Variants in RP1 observed in about 807,000 individuals in gnomAD.
RP1 encodes the protein oxygen-regulated protein 1.
RP1 carries 16 observed loss-of-function variants against 14.8 expected under a neutral mutation model. The ratio of observed to expected loss-of-function variants is 1.08; its 90% CI spans 0.73 to 1.65. The LOEUF is 1.65. Among genes scored for constraint, RP1 ranks in the 40% most tolerant of loss-of-function variants. The pLI, the probability that RP1 is intolerant of heterozygous loss-of-function variation, is 0.00. For synonymous variants in RP1, 876 were observed against 883.6 expected (o/e 0.99, Z 0.15); for missense variants, 2,631 against 2,535.0 (o/e 1.04, Z -0.81).
chr8:54,856,204 A>G (rs114365270), intron 26 of RP1, among the ~76,000 whole-genome samples: 358 of 152,332 alleles, frequency 2.4e-3, no homozygotes, highest in African/African-American at 8.1e-3. Flanking sequence ...GCAAGAATGC[A>G]CTGTAGGATT....
intron 25 of RP1, among the ~76,000 whole-genome samples, chr8:54,842,981 C>A (rs1193436122): frequency 6.6e-6 from 1 of 152,144 alleles, no homozygotes; most frequent in Non-Finnish European, 1.5e-5. Context: ...TCCTGGCAAC[C>A]TTCTGTAGAA....
Position 54,630,022 on chromosome 8 carries a change from T to C in RP1, c.6140T>C (p.Val2047Ala). The change falls in exon 4 of 4, where the codon GTG (valine) becomes GCG (alanine). Residue 2047 changes from valine (V) to alanine (A), a missense_variant. By Grantham distance (64) the Val-to-Ala change is moderately conservative. Transcript: ENST00000220676. ...ACATCATTGTTAGTTGTGGGTAATG[T>C]GGATTCAAATACACAAGACCTCAGC... ...LHTSLLVVGN[V>A]DSNTQDLSGQ... The C allele has an allele frequency of 6.2e-7, 1 of 1,614,060 alleles. No homozygotes were observed. Among genetic ancestry groups the C allele is most frequent in the Non-Finnish European group, 8.5e-7 (1 of 1,179,978 alleles).
intron 1 of RP1, among the ~76,000 whole-genome samples, chr8:54,577,923 A>C (rs62514567): frequency 0.2 from 30,507 of 151,852 alleles, 3,532 homozygotes; most frequent in East Asian, 0.36. Flanking sequence ...AGAGAGGAGG[A>C]GATGAAAGCA....
At chr8:54,565,580 A>G (rs1038745452) in intron 1 of RP1, among the ~76,000 whole-genome samples, 6 of 152,152 alleles carry the variant, frequency 3.9e-5, no homozygotes, top group African/African-American at 1.2e-4. Flanking sequence ...CCCAGACACC[A>G]GGATTGCCTC....
intron 1 of RP1, among the ~76,000 whole-genome samples, chr8:54,620,150 C>T (rs1263217015): frequency 6.6e-6 from 1 of 152,180 alleles, no homozygotes; most frequent in African/African-American, 2.4e-5. Context: ...AGATAACCAC[C>T]ATCAACACTG....
downstream of RP1, among the ~76,000 whole-genome samples, chr8:54,631,324 G>A (rs7003351): frequency 5.6e-3 from 849 of 152,160 alleles, 2 homozygotes; most frequent in African/African-American, 0.014. Context: ...GTGAAAATAT[G>A]GAAGCTATAA....
chr8:54,815,184 A>G (rs1585716081), intron 24 of RP1, among the ~76,000 whole-genome samples: 1 of 152,350 alleles, frequency 6.6e-6, no homozygotes, highest in African/African-American at 2.4e-5. Flanking sequence ...CTCTTCTTCA[A>G]AGAGGCATGC....
downstream of RP1, among the ~76,000 whole-genome samples, chr8:54,633,729 C>CTATATA (rs1286698033): frequency 1.5e-5 from 2 of 136,628 alleles, no homozygotes; most frequent in African/African-American, 2.9e-5. Context: ...CTCTCTCTCT[C>CTATATA]TCTCTCTCTA....
At chr8:54,580,608 G>GTAGATA (rs1187606485) in intron 1 of RP1, among the ~76,000 whole-genome samples, 2 of 146,988 alleles carry the variant, frequency 1.4e-5, no homozygotes, top group Non-Finnish European at 3.0e-5. Flanking sequence ...CCTGGCCAAT[G>GTAGATA]TAGATATTTT....
At chr8:54,649,337 G>T (rs951254418) in intron 4 of RP1, among the ~76,000 whole-genome samples, 1 of 152,092 alleles carries the variant, frequency 6.6e-6, no homozygotes, top group Non-Finnish European at 1.5e-5. Context: ...AGAGACAGTA[G>T]CTAGAGAGAA....
chr8:54,711,468 G>T (rs561954377), intron 15 of RP1, among the ~76,000 whole-genome samples: 24 of 152,354 alleles, frequency 1.6e-4, no homozygotes, highest in African/African-American at 5.8e-4. Context: ...GTGTGGCACT[G>T]CTTTGGCCAG....
intron 24 of RP1, among the ~76,000 whole-genome samples, chr8:54,807,694 A>G (rs929554617): frequency 1.3e-5 from 2 of 151,324 alleles, no homozygotes; most frequent in African/African-American, 4.9e-5. Flanking sequence ...ATCTCTATCT[A>G]TCTATCATGA....
In RP1 at chr8:54,626,918, G is replaced by C. The variant is rs373971446; in HGVS notation, c.3036G>C (p.Leu1012=). The C allele has an allele frequency of 4.3e-5, 70 of 1,613,904 alleles. No individual in the cohort carries two copies. The African/African-American group carries it at 6.1e-4, about 14-fold the overall frequency. The change falls in exon 4 of 4, where the codon CTG becomes CTC. Residue 1012 remains leucine, a synonymous_variant. Coordinates refer to ENST00000220676, the MANE Select transcript of RP1 (RefSeq NM_006269.2). The part of the protein sequence containing the change: ...EDLHETQVGS[L]NDAYLVPLHE... Reference sequence around the variant, plus strand: ...TCCATGAGACACAGGTTGGATCTCTGAATGATGCTTATTTGGTTCCCCTGC... The same window carrying C: ...TCCATGAGACACAGGTTGGATCTCTCAATGATGCTTATTTGGTTCCCCTGC...
chr8:54,571,922 C>A (rs1407187838), intron 1 of RP1, among the ~76,000 whole-genome samples: 1 of 152,156 alleles, frequency 6.6e-6, no homozygotes, highest in Non-Finnish European at 1.5e-5. Context: ...CTACCCTAAT[C>A]ACCTCATCTT....
intron 25 of RP1, among the ~76,000 whole-genome samples, chr8:54,847,903 T>G (rs1395300445): frequency 1.3e-5 from 2 of 152,178 alleles, no homozygotes; most frequent in African/African-American, 2.4e-5. Flanking sequence ...GCAAAATGAA[T>G]CAAACAGCTG....
intron 24 of RP1, among the ~76,000 whole-genome samples, chr8:54,835,575 G>T (rs1811637838): frequency 6.7e-6 from 1 of 149,988 alleles, no homozygotes; most frequent in Non-Finnish European, 1.5e-5. Context: ...ACTTATTTTT[G>T]TTATTAATAC....
At chr8:54,799,648 C>G (rs1810655760) in intron 24 of RP1, among the ~76,000 whole-genome samples, 1 of 151,150 alleles carries the variant, frequency 6.6e-6, no homozygotes, top group African/African-American at 2.4e-5. Flanking sequence ...ACTATTTTTT[C>G]TTTTATCAAA....
At chr8:54,807,333 A>C (rs74877388) in intron 24 of RP1, among the ~76,000 whole-genome samples, 4,308 of 152,152 alleles carry the variant, frequency 0.028, 117 homozygotes, top group African/African-American at 0.063. Context: ...TGGAAATTTT[A>C]TTTTCCTTTT....
In RP1 at chr8:54,574,503, G is replaced by A. The variant is rs113624514; in HGVS notation, c.-13+15183G>A. ...GCATTCCGAGCAGAGGGAATAATAA[G>A]AGAGAGGCATAAAGGGGAGCATCAC... On this transcript the variant is annotated intron_variant, in intron 1 of 22. Coordinates refer to the RP1 transcript ENST00000636932. Among the ~76,000 whole-genome samples the A allele has an allele frequency of 8.7e-3, 1,319 of 152,198 alleles. 16 individuals are homozygous for A. The highest frequency in any genetic ancestry group is 0.024 in the Middle Eastern group (7 of 294).
Sources: allele counts gnomAD v4.1 joint callset (sites outside exome capture counted in the v4.1 genomes callset), GRCh38; gene constraint gnomAD v4.1.1; transcripts MANE v1.5; gene names NCBI Gene and HGNC (gene_info 2026-07-23, HGNC 2026-07-21).